KIF17: variants seen among roughly 807,000 people sequenced by gnomAD.
KIF17 encodes the protein kinesin family member 17.
In KIF17, 80 loss-of-function variants were observed where a neutral mutation model predicts 96.8. The ratio of observed to expected loss-of-function variants is 0.83; its 90% confidence interval spans 0.69 to 1.00. The LOEUF is 1.00. Among genes scored for constraint, KIF17 ranks in the 50% least tolerant of loss-of-function variants. The pLI, the probability that KIF17 is intolerant of heterozygous loss-of-function variation, is 0.00. For missense variants in KIF17, 1,280 were observed against 1,372.9 expected, an observed-to-expected ratio of 0.93 and a Z score of 1.07; for synonymous variants, 567 against 587.5, an observed-to-expected ratio of 0.97 and a Z score of 0.51.
chr1:20,702,739 C>T (rs12093772), intron 5 of KIF17, among the ~76,000 whole-genome samples: 83,106 of 152,006 alleles, frequency 0.55, 23,394 homozygotes, highest in East Asian at 0.68. Flanking sequence ...ATTACTGCCT[C>T]CTCCGGGAAG....
At chr1:20,697,026 C>A (rs925810224) in intron 6 of KIF17, among the ~76,000 whole-genome samples, 1 of 152,226 alleles carries the variant, frequency 6.6e-6, no homozygotes, top group Non-Finnish European at 1.5e-5. Flanking sequence ...TCTCCCCAAA[C>A]AGCACAGGCC....
intron 11 of KIF17, among the ~76,000 whole-genome samples, chr1:20,681,087 C>T (rs1414760780): frequency 3.4e-5 from 5 of 147,994 alleles, no homozygotes; most frequent in Non-Finnish European, 7.5e-5. Context: ...GATCTCGCCA[C>T]TGCACTCCAG....
intron 5 of KIF17, among the ~76,000 whole-genome samples, chr1:20,701,038 G>GT (rs1235254445): frequency 6.6e-6 from 1 of 152,198 alleles, no homozygotes. Context: ...GCTTCCCCAT[G>GT]TGTGTGTGCC....
intron 3 of KIF17, among the ~76,000 whole-genome samples, chr1:20,712,626 A>ATAT (rs1244201600): frequency 0.041 from 710 of 17,366 alleles, 170 homozygotes; most frequent in Non-Finnish European, 0.076. Flanking sequence ...AATATAGATA[A>ATAT]TATCTATATA....
In KIF17 at chr1:20,688,044, GTT is replaced by G. The variant is rs375133366; in HGVS notation, c.1382-102_1382-101del. ...GCCCAGTGTGTTGTTTTTTTTGTTT[GTT>G]TTTTTTTTGTTTTTTTTTGAGACAG... On this transcript the variant is annotated intron_variant, in intron 7 of 14. Coordinates refer to ENST00000400463, the MANE Select transcript of KIF17 (RefSeq NM_001122819.3). 146 of 918,678 alleles carry G rather than the reference GTT, an allele frequency of 1.6e-4. 1 individual carries two copies. In the African/African-American group the frequency reaches 2.2e-3, roughly 14 times the overall value. The allele number at this position is 918,678 out of a possible 1,614,324, so 56.9% of individuals were successfully genotyped here.
chr1:20,674,390 A>G (rs2053700592), intron 11 of KIF17, among the ~76,000 whole-genome samples: 1 of 152,102 alleles, frequency 6.6e-6, no homozygotes, highest in Non-Finnish European at 1.5e-5. Context: ...CCTCCTGAGT[A>G]GCAGGGACTC....
chr1:20,661,691 T>A, downstream of KIF17: 1 of 430,256 alleles, frequency 2.3e-6, no homozygotes, highest in Non-Finnish European at 4.2e-6. Flanking sequence ...CCCCCTAGTC[T>A]GGAGCCCACT....
intron 6 of KIF17, among the ~76,000 whole-genome samples, chr1:20,696,380 C>A (rs1488994675): frequency 6.6e-6 from 1 of 152,218 alleles, no homozygotes; most frequent in African/African-American, 2.4e-5. Context: ...GGGGCACAGA[C>A]ATCTTCAACG....
In KIF17 at chr1:20,685,027, G is replaced by A; in HGVS notation, c.2020-7C>T. 4 of 1,580,606 alleles carry A rather than the reference G, an allele frequency of 2.5e-6. No individual in the cohort carries two copies. Among genetic ancestry groups the A allele is most frequent in the Non-Finnish European group, 3.4e-6 (4 of 1,162,920 alleles). On this transcript the variant is annotated splice_region_variant and splice_polypyrimidine_tract_variant and intron_variant, in intron 9 of 14. Transcript: ENST00000400463. This position sits in a 1 kb window ranked among gnomAD's most constrained non-coding sequence, Gnocchi z 4.1. ...CCGAGGCCAGATCTACCTCCTGAGT[G>A]TGAAGAGAAACCCAGGTGGAGGTGG...
At chr1:20,694,529 C>G (rs1303340739) in intron 6 of KIF17, among the ~76,000 whole-genome samples, 5 of 152,130 alleles carry the variant, frequency 3.3e-5, no homozygotes, top group Admixed American at 6.6e-5. Context: ...GACAGAGGTG[C>G]CTGCCACTGT....
At chr1:20,703,895 C>T (rs996999646) in intron 5 of KIF17, among the ~76,000 whole-genome samples, 1 of 151,714 alleles carries the variant, frequency 6.6e-6, no homozygotes, top group African/African-American at 2.4e-5. Flanking sequence ...CATGCCACTG[C>T]CCTCCAGCCT....
Position 20,716,969 on chromosome 1 carries a change from C to T in KIF17, c.231+507G>A, listed in dbSNP as rs117085581. Among the ~76,000 whole-genome samples the T allele has an allele frequency of 1.2e-4, 19 of 152,248 alleles. No homozygotes were observed. The East Asian group carries it at 3.7e-3, about 29-fold the overall frequency. On this transcript the variant is annotated intron_variant, in intron 1 of 14. Coordinates refer to ENST00000400463, the MANE Select transcript of KIF17 (RefSeq NM_001122819.3). Reference sequence around the variant, plus strand: ...CAAGGGCCCACATGGCATCTATGCCCGGTTCCACTGCAAAGACCCATGCTG... The same window carrying T: ...CAAGGGCCCACATGGCATCTATGCCTGGTTCCACTGCAAAGACCCATGCTG...
At chr1:20,663,595 C>T (rs565772337), downstream of KIF17, among the ~76,000 whole-genome samples, 514 of 152,264 alleles carry the variant, frequency 3.4e-3, 4 homozygotes, top group African/African-American at 0.012. Context: ...GATTGTGGAG[C>T]CCCCCACAGG....
intron 11 of KIF17, among the ~76,000 whole-genome samples, chr1:20,682,128 C>T (rs2053839962): frequency 6.6e-6 from 1 of 152,036 alleles, no homozygotes; most frequent in African/African-American, 2.4e-5. Context: ...ACAACACATA[C>T]CCGCATGCAT....
chr1:20,707,568 C>T (rs776282125), intron 4 of KIF17, among the ~76,000 whole-genome samples: 4 of 151,788 alleles, frequency 2.6e-5, no homozygotes, highest in Non-Finnish European at 4.4e-5. Context: ...TCCAGGAGTT[C>T]GAGACCAGCC....
At chr1:20,669,830 C>T (rs1208748560) in intron 13 of KIF17, among the ~76,000 whole-genome samples, 7 of 123,380 alleles carry the variant, frequency 5.7e-5, no homozygotes, top group African/African-American at 2.1e-4. Context: ...CGCACCACTG[C>T]ACTCCGGCCT....
intron 11 of KIF17, among the ~76,000 whole-genome samples, chr1:20,675,182 T>C (rs1054062365): frequency 4.8e-5 from 7 of 145,552 alleles, no homozygotes; most frequent in African/African-American, 1.8e-4. Context: ...GTGCGGTGGC[T>C]CATGCCTATA....
At position 20,690,352 on chromosome 1, in the gene KIF17, G is replaced by GCGGCC; in HGVS notation, c.1234-18_1234-17insGGCCG. 2.2e-6 allele frequency: 1 copy of GCGGCC among 451,172 alleles called. No individual in the cohort carries two copies. Among genetic ancestry groups the GCGGCC allele is most frequent in the Non-Finnish European group, 4.3e-6 (1 of 235,150 alleles). 27.9% of individuals were successfully genotyped at this position (451,172 alleles called of 1,614,324 possible). ...TTCATACTCCTGGGGGGGTGGGAGGGACCAGAGGGCAGGCAGCATTTTATC... is the reference window on the plus strand; with the variant it reads ...TTCATACTCCTGGGGGGGTGGGAGGGCGGCCACCAGAGGGCAGGCAGCATTTTATC... On this transcript the variant is annotated splice_polypyrimidine_tract_variant and intron_variant, in intron 6 of 14. Coordinates refer to ENST00000400463, the MANE Select transcript of KIF17 (RefSeq NM_001122819.3).
intron 6 of KIF17, 107 bp downstream of exon 6, chr1:20,698,272 G>A (rs905249614): frequency 1.4e-5 from 11 of 773,206 alleles, no homozygotes; most frequent in Admixed American, 3.9e-5. Flanking sequence ...CCAAACCCAC[G>A]GTGAAGGTAC....
Sources: allele counts gnomAD v4.1 joint callset (sites outside exome capture counted in the v4.1 genomes callset), GRCh38; gene constraint gnomAD v4.1.1; non-coding constraint Gnocchi (gnomAD v3.1); transcripts MANE v1.5; gene names NCBI Gene and HGNC (gene_info 2026-07-23, HGNC 2026-07-21).